The following PCCA variants were observed in gnomAD, a reference collection of about 807,000 sequenced individuals.
The protein encoded by PCCA is propionyl-CoA carboxylase subunit alpha, also known as propionyl-CoA carboxylase alpha chain, mitochondrial.
Under a neutral mutation model 101.3 loss-of-function variants are expected in PCCA, and 74 were observed. The ratio of observed to expected loss-of-function variants is 0.73; its 90% CI spans 0.61 to 0.89. PCCA has a LOEUF of 0.89. Ranked by LOEUF, PCCA falls within the 40% of genes least tolerant of loss-of-function variation. The pLI, the probability that PCCA is intolerant of heterozygous loss-of-function variation, is 0.00. For synonymous variants in PCCA, 294 were observed against 313.6 expected (o/e 0.94, Z 0.66); for missense variants, 891 against 907.0 (o/e 0.98, Z 0.23).
At chr13:100,354,021 AGATT>A (rs2073619733) in intron 18 of PCCA, among the ~76,000 whole-genome samples, 1 of 150,714 alleles carries the variant, frequency 6.6e-6, no homozygotes, top group African/African-American at 2.4e-5. Flanking sequence ...ATTCTTTGGG[AGATT>A]GAGACTGGAG....
At chr13:100,270,727 G>A (rs904792978) in intron 11 of PCCA, among the ~76,000 whole-genome samples, 1 of 152,078 alleles carries the variant, frequency 6.6e-6, no homozygotes, top group African/African-American at 2.4e-5. Flanking sequence ...AGTAAGAATC[G>A]GCTGGGCATG....
intron 1 of PCCA, among the ~76,000 whole-genome samples, chr13:100,095,720 T>C (rs546913251): frequency 6.9e-4 from 105 of 152,224 alleles, no homozygotes; most frequent in African/African-American, 2.5e-3. Context: ...GCTGCTGTGG[T>C]TGGAGTGAAC....
intron 19 of PCCA, among the ~76,000 whole-genome samples, chr13:100,378,981 T>C (rs2076075607): frequency 2.0e-5 from 3 of 152,170 alleles, no homozygotes; most frequent in African/African-American, 7.2e-5. Flanking sequence ...GGAGGTATCA[T>C]ATTCCCTTGC....
chr13:100,478,379 C>T (rs781378105), intron 21 of PCCA, among the ~76,000 whole-genome samples: 1 of 152,154 alleles, frequency 6.6e-6, no homozygotes, highest in Non-Finnish European at 1.5e-5. Context: ...CCTGCTCTGG[C>T]GAGTGTCCTT....
intron 19 of PCCA, among the ~76,000 whole-genome samples, chr13:100,401,107 G>T (rs1211532872): frequency 6.6e-6 from 1 of 152,060 alleles, no homozygotes; most frequent in East Asian, 1.9e-4. Context: ...CATGGTTTTG[G>T]CTTATCCCGA....
At chr13:100,283,060 G>C (rs1254649570) in intron 12 of PCCA, among the ~76,000 whole-genome samples, 1 of 151,980 alleles carries the variant, frequency 6.6e-6, no homozygotes, top group Non-Finnish European at 1.5e-5. Context: ...AGCAGATCAA[G>C]GCAGACCTGG....
At chr13:100,382,997 A>C (rs1359545608) in intron 19 of PCCA, among the ~76,000 whole-genome samples, 1 of 152,130 alleles carries the variant, frequency 6.6e-6, no homozygotes, top group Non-Finnish European at 1.5e-5. Flanking sequence ...CTGATGAGTC[A>C]CAGCTTAGAA....
intron 16 of PCCA, among the ~76,000 whole-genome samples, chr13:100,322,560 CTTTT>C (rs762007376): frequency 6.6e-6 from 1 of 150,678 alleles, no homozygotes; most frequent in African/African-American, 2.4e-5. Context: ...TTGCAATTTT[CTTTT>C]TTTTAATTTT....
At chr13:100,169,526 T>C (rs994941451) in intron 6 of PCCA, among the ~76,000 whole-genome samples, 1 of 152,048 alleles carries the variant, frequency 6.6e-6, no homozygotes, top group African/African-American at 2.4e-5. Flanking sequence ...TTTTTATTTT[T>C]TATTTTATTA....
At chr13:100,159,241 C>G (rs1387027560) in intron 6 of PCCA, among the ~76,000 whole-genome samples, 1 of 151,646 alleles carries the variant, frequency 6.6e-6, no homozygotes, top group African/African-American at 2.4e-5. Context: ...CAGGCACACA[C>G]CACCACGCCT....
intron 19 of PCCA, among the ~76,000 whole-genome samples, chr13:100,387,450 C>A (rs1002826482): frequency 2.0e-5 from 3 of 152,198 alleles, no homozygotes; most frequent in Non-Finnish European, 4.4e-5. Flanking sequence ...TAATTTCACT[C>A]GTCCTAAGAC....
At chr13:100,502,742 C>T (rs1447013152) in intron 21 of PCCA, among the ~76,000 whole-genome samples, 1 of 152,174 alleles carries the variant, frequency 6.6e-6, no homozygotes, top group African/African-American at 2.4e-5. Flanking sequence ...GAGACAGACT[C>T]TTAGGAGTAA....
chr13:100,492,475 A>C (rs1028246951), intron 21 of PCCA, among the ~76,000 whole-genome samples: 3 of 151,964 alleles, frequency 2.0e-5, no homozygotes, highest in Non-Finnish European at 4.4e-5. Context: ...TGGGAACTGC[A>C]GAAGGGTGTT....
At chr13:100,188,294 A>AAAAACAAAAAACAAAAC (rs2057457390) in intron 6 of PCCA, among the ~76,000 whole-genome samples, 1 of 146,898 alleles carries the variant, frequency 6.8e-6, no homozygotes, top group Non-Finnish European at 1.5e-5. Flanking sequence ...TCTGTCTCAA[A>AAAAACAAAAAACAAAAC]AAAACAAAAC....
At chr13:100,192,732 G>T (rs2057820861) in intron 6 of PCCA, among the ~76,000 whole-genome samples, 1 of 152,104 alleles carries the variant, frequency 6.6e-6, no homozygotes. Context: ...CAGTGAGAGA[G>T]GTGTTTTCCT....
intron 1 of PCCA, among the ~76,000 whole-genome samples, chr13:100,089,609 G>T (rs2152193212): frequency 6.6e-6 from 1 of 152,324 alleles, no homozygotes; most frequent in East Asian, 1.9e-4. Flanking sequence ...TATAGTTTCC[G>T]TGTTCTGTTG....
rs567843045 is a variant in PCCA, at chr13:100,440,505, C to T, written c.1846-8747C>T. On this transcript the variant is annotated intron_variant, in intron 20 of 23. Transcript: ENST00000376285. ...AGCTCCCACACCCTCCAAGAATAAACTTTAGTTTTAATCCTAATAACTGTT... is the reference window on the plus strand; with the variant it reads ...AGCTCCCACACCCTCCAAGAATAAATTTTAGTTTTAATCCTAATAACTGTT... 4.6e-5 allele frequency among the ~76,000 whole-genome samples: 7 copies of T among 151,630 alleles called. No homozygotes were observed. In the South Asian group the frequency reaches 1.5e-3, roughly 32 times the overall value.
intron 18 of PCCA, among the ~76,000 whole-genome samples, chr13:100,350,614 C>T (rs1479640227): frequency 1.3e-5 from 2 of 152,168 alleles, no homozygotes; most frequent in African/African-American, 4.8e-5. Context: ...AGCACATTTA[C>T]ATATTTTTGC....
chr13:100,268,657 A>G (rs371615596), intron 10 of PCCA, 32 bp from the exon 11 acceptor site: 109 of 1,470,974 alleles, frequency 7.4e-5, no homozygotes, highest in Middle Eastern at 6.9e-4. Flanking sequence ...GGGTGTGGTT[A>G]TATGGTTTTT....
Sources: allele counts gnomAD v4.1 joint callset (sites outside exome capture counted in the v4.1 genomes callset), GRCh38; gene constraint gnomAD v4.1.1; transcripts MANE v1.5; gene names NCBI Gene and HGNC (gene_info 2026-07-23, HGNC 2026-07-21).